Variants in AKAP19 observed in about 807,000 individuals in gnomAD.
The protein encoded by AKAP19 is A-kinase anchoring protein 19.
At chr2:190,167,386 G>T in the AKAP19 span, among the ~76,000 whole-genome samples, 2 of 152,116 alleles carry the variant, frequency 1.3e-5, no homozygotes. Context: ...TTTGGGTAGA[G>T]ACACAGCTAA....
At chr2:190,163,479 GC>G in the AKAP19 span, among the ~76,000 whole-genome samples, 1 of 149,634 alleles carries the variant, frequency 6.7e-6, no homozygotes. Flanking sequence ...ACTGAGTCTT[GC>G]CCTGTGATTT....
the AKAP19 span, chr2:190,202,622 A>G: frequency 6.0e-6 from 1 of 167,012 alleles, no homozygotes; most frequent in East Asian, 1.9e-4. Context: ...CATGAACAAT[A>G]AAAGAGAGTA....
the AKAP19 span, among the ~76,000 whole-genome samples, chr2:190,074,399 T>A: frequency 4.1e-4 from 63 of 152,230 alleles, 1 homozygote; most frequent in Non-Finnish European, 7.8e-4. Context: ...ACACCTGTAA[T>A]CCCAGCACTT....
chr2:190,078,903 A>C, the AKAP19 span, among the ~76,000 whole-genome samples: 72 of 152,366 alleles, frequency 4.7e-4, no homozygotes, highest in Admixed American at 1.4e-3. Flanking sequence ...TAAATAAGTT[A>C]TAGTATCTCC....
the AKAP19 span, among the ~76,000 whole-genome samples, chr2:189,966,119 T>C: frequency 6.6e-5 from 10 of 151,326 alleles, no homozygotes; most frequent in East Asian, 2.0e-3. Flanking sequence ...TTCTTACTCA[T>C]ACGTGGGAGC....
At chr2:190,086,658 A>G in the AKAP19 span, among the ~76,000 whole-genome samples, 1 of 152,196 alleles carries the variant, frequency 6.6e-6, no homozygotes, top group African/African-American at 2.4e-5. Flanking sequence ...TCATTCCTGA[A>G]ATATCTGAAC....
the AKAP19 span, chr2:190,181,554 G>A: frequency 6.6e-6 from 1 of 152,232 alleles, no homozygotes; most frequent in African/African-American, 2.4e-5. Flanking sequence ...ATGCAAATAA[G>A]AAATTAAGAG....
the AKAP19 span, among the ~76,000 whole-genome samples, chr2:190,013,260 G>T: frequency 6.6e-6 from 1 of 152,078 alleles, no homozygotes; most frequent in African/African-American, 2.4e-5. Context: ...TTTGATCGGG[G>T]ACTTTTTATT....
chr2:189,988,252 G>T, the AKAP19 span, among the ~76,000 whole-genome samples: 44 of 152,146 alleles, frequency 2.9e-4, no homozygotes, highest in Non-Finnish European at 6.2e-4. Context: ...CAGGAAAAAG[G>T]CAGGCTTAGA....
the AKAP19 span, among the ~76,000 whole-genome samples, chr2:190,166,405 C>G: frequency 8.1e-6 from 1 of 123,044 alleles, no homozygotes; most frequent in South Asian, 2.7e-4. Flanking sequence ...GTTCCAAAGA[C>G]TAAAATAAAT....
the AKAP19 span, among the ~76,000 whole-genome samples, chr2:189,910,562 AG>A: frequency 6.6e-6 from 1 of 151,864 alleles, no homozygotes; most frequent in Non-Finnish European, 1.5e-5. Context: ...GAAAAAAAAA[AG>A]ATTTTAAGAT....
the AKAP19 span, among the ~76,000 whole-genome samples, chr2:190,169,459 A>G: frequency 1.2e-4 from 18 of 152,232 alleles, no homozygotes; most frequent in African/African-American, 3.9e-4. Flanking sequence ...AAAGATACGG[A>G]AGATTAGGGC....
chr2:189,884,367 T>C, the AKAP19 span, among the ~76,000 whole-genome samples: 1 of 152,328 alleles, frequency 6.6e-6, no homozygotes, highest in East Asian at 1.9e-4. Context: ...AAAAAAATTC[T>C]ACATTTTTAC....
At chr2:190,027,472 A>G in the AKAP19 span, among the ~76,000 whole-genome samples, 6 of 152,220 alleles carry the variant, frequency 3.9e-5, no homozygotes, top group Non-Finnish European at 8.8e-5. Flanking sequence ...GAAGATTTAA[A>G]GTGGCATTCT....
At chr2:190,084,228 G>C in the AKAP19 span, among the ~76,000 whole-genome samples, 1 of 151,950 alleles carries the variant, frequency 6.6e-6, no homozygotes, top group South Asian at 2.1e-4. Context: ...ACGTACCTGG[G>C]ATTACAGGCG....
chr2:190,028,995 G>A, the AKAP19 span, among the ~76,000 whole-genome samples: 24 of 152,184 alleles, frequency 1.6e-4, no homozygotes, highest in South Asian at 1.9e-3. Context: ...ACCATAGGTA[G>A]GAATTTATTT....
the AKAP19 span, among the ~76,000 whole-genome samples, chr2:190,013,691 A>T: frequency 1.3e-5 from 2 of 150,708 alleles, no homozygotes; most frequent in Non-Finnish European, 3.0e-5. Flanking sequence ...AATTTTTTGT[A>T]TTTTTTTTAG....
At chr2:190,004,846 T>C in the AKAP19 span, among the ~76,000 whole-genome samples, 1 of 152,194 alleles carries the variant, frequency 6.6e-6, no homozygotes, top group African/African-American at 2.4e-5. Context: ...TTCAAGGTTA[T>C]GAACACTGTT....
the AKAP19 span, among the ~76,000 whole-genome samples, chr2:189,957,123 C>G: frequency 6.6e-6 from 1 of 151,998 alleles, no homozygotes; most frequent in Non-Finnish European, 1.5e-5. Context: ...TGCAGTGAGC[C>G]GAGATCGCGC....
Sources: gnomAD v4.1 joint callset for allele counts (sites outside exome capture counted in the v4.1 genomes callset) on GRCh38, gnomAD v4.1.1 for gene constraint, MANE v1.5 for transcripts, NCBI Gene and HGNC (gene_info 2026-07-23, HGNC 2026-07-21) for gene names.